Variants in COLGALT2 observed in about 807,000 individuals in gnomAD.
COLGALT2 encodes collagen beta(1-O)galactosyltransferase 2, also known as procollagen galactosyltransferase 2.
COLGALT2 carries 49 observed loss-of-function variants against 73.4 expected under a neutral mutation model. The observed-to-expected ratio is 0.67, with a 90% confidence interval of 0.53 to 0.85. The LOEUF (loss-of-function observed/expected upper bound fraction) is 0.85. COLGALT2 is among the 40% of genes least tolerant of loss of function. The pLI, the probability that COLGALT2 is intolerant of heterozygous loss-of-function variation, is 0.00. For synonymous variants in COLGALT2, 295 were observed against 307.6 expected (o/e 0.96, Z 0.43); for missense variants, 722 against 790.2 (o/e 0.91, Z 1.03).
downstream of COLGALT2, among the ~76,000 whole-genome samples, chr1:183,931,509 C>T (rs940931045): frequency 6.6e-6 from 1 of 152,026 alleles, no homozygotes; most frequent in African/African-American, 2.4e-5. Context: ...GGGTGTTCCC[C>T]GGGGGTGCCT....
rs1209716211 is a variant in COLGALT2 at position 183,937,214 on chromosome 1, G to A, written c.*1547C>T. Reference sequence around the variant, plus strand: ...GAAGCTCAGGGTTTGGGGTGTGCACGGCCCCCCATATGGCTGCATGGTGCA... The same window carrying A: ...GAAGCTCAGGGTTTGGGGTGTGCACAGCCCCCCATATGGCTGCATGGTGCA... On this transcript the variant is annotated 3_prime_UTR_variant, in exon 12 of 12. Transcript: ENST00000361927. 3.3e-6 allele frequency: 4 copies of A among 1,214,228 alleles called. No homozygotes were observed. Among genetic ancestry groups the A allele is most frequent in the Admixed American group, 4.3e-5 (1 of 23,150 alleles). 75.2% of individuals were successfully genotyped at this position (1,214,228 alleles called of 1,614,324 possible).
intron 1 of COLGALT2, among the ~76,000 whole-genome samples, chr1:183,993,823 G>A (rs1399451647): frequency 6.6e-6 from 1 of 152,028 alleles, no homozygotes; most frequent in Non-Finnish European, 1.5e-5. Flanking sequence ...CCCACATCCT[G>A]ATGTTTAGAG....
chr1:183,979,130 C>G (rs1053721056), intron 1 of COLGALT2, among the ~76,000 whole-genome samples: 3 of 152,140 alleles, frequency 2.0e-5, no homozygotes, highest in African/African-American at 7.2e-5. Flanking sequence ...TTTTCCAAAG[C>G]CTTTAAATAA....
intron 1 of COLGALT2, among the ~76,000 whole-genome samples, chr1:184,027,179 A>C (rs1043814708): frequency 1.3e-5 from 2 of 152,150 alleles, no homozygotes; most frequent in South Asian, 2.1e-4. Context: ...TACTTCTCTT[A>C]ATAAGAAAAC....
chr1:184,021,961 G>C (rs1649194470), intron 1 of COLGALT2, among the ~76,000 whole-genome samples: 1 of 152,162 alleles, frequency 6.6e-6, no homozygotes, highest in Non-Finnish European at 1.5e-5. Flanking sequence ...GATCTCACTT[G>C]TTAACAGTTG....
downstream of COLGALT2, among the ~76,000 whole-genome samples, chr1:183,931,611 A>T (rs978422649): frequency 6.6e-6 from 1 of 152,074 alleles, no homozygotes; most frequent in African/African-American, 2.4e-5. Context: ...CGTTCAGGAG[A>T]GCCAGTTTTA....
At chr1:183,939,520 T>G (rs1391338370) in intron 11 of COLGALT2, among the ~76,000 whole-genome samples, 1 of 152,222 alleles carries the variant, frequency 6.6e-6, no homozygotes, top group Non-Finnish European at 1.5e-5. Flanking sequence ...GACGGATGAC[T>G]TGGCCTCCCT....
chr1:183,963,863 G>A (rs772149710), intron 6 of COLGALT2, 38 bp downstream of exon 6: 2 of 1,519,100 alleles, frequency 1.3e-6, no homozygotes, highest in East Asian at 2.4e-5. Context: ...CTGTGGCAAT[G>A]GAACGAGAGC....
chr1:184,001,526 T>C (rs1268122124), intron 1 of COLGALT2, among the ~76,000 whole-genome samples: 1 of 152,190 alleles, frequency 6.6e-6, no homozygotes, highest in Non-Finnish European at 1.5e-5. Context: ...ATAGTTTCCA[T>C]CTTTTTGACT....
At chr1:184,019,142 A>G (rs1234331978) in intron 1 of COLGALT2, among the ~76,000 whole-genome samples, 2 of 152,114 alleles carry the variant, frequency 1.3e-5, no homozygotes, top group Non-Finnish European at 2.9e-5. Context: ...GTTGTACTCT[A>G]TGGGAGGCAC....
intron 1 of COLGALT2, among the ~76,000 whole-genome samples, chr1:183,987,688 C>A (rs1362482624): frequency 6.6e-6 from 1 of 152,190 alleles, no homozygotes; most frequent in East Asian, 1.9e-4. Context: ...GGGAACTTCT[C>A]CCCATCCAAC....
chr1:183,934,146 T>C (rs925902894), downstream of COLGALT2, among the ~76,000 whole-genome samples: 1 of 152,228 alleles, frequency 6.6e-6, no homozygotes, highest in Admixed American at 6.5e-5. Context: ...TGGAACCCCA[T>C]TCAGTGTCTG....
At chr1:184,033,986 T>C (rs541677834) in intron 1 of COLGALT2, among the ~76,000 whole-genome samples, 14 of 152,256 alleles carry the variant, frequency 9.2e-5, no homozygotes, top group Non-Finnish European at 1.5e-4. Flanking sequence ...GAATGGATAC[T>C]AATCAGTTTG....
chr1:183,987,866 A>G (rs1346381220), intron 1 of COLGALT2, among the ~76,000 whole-genome samples: 2 of 152,250 alleles, frequency 1.3e-5, no homozygotes, highest in Admixed American at 6.5e-5. Flanking sequence ...AATTGTTTCA[A>G]GAGAAGCTGG....
In COLGALT2 at chr1:183,935,884, T is replaced by C. The variant is rs775426256; in HGVS notation, c.*2877A>G. The C allele has an allele frequency of 6.1e-6, 6 of 985,356 alleles. No individual in the cohort carries two copies. Among genetic ancestry groups the C allele is most frequent in the Non-Finnish European group, 7.2e-6 (6 of 829,938 alleles). The allele number at this position is 985,356 out of a possible 1,614,324, so 61.0% of individuals were successfully genotyped here. Reference sequence around the variant, plus strand: ...TTCACAAAGAGCTCCAGAAGGCAAATAGTTTATCACTTCCCCACTCTGAAA... The same window carrying C: ...TTCACAAAGAGCTCCAGAAGGCAAACAGTTTATCACTTCCCCACTCTGAAA... On this transcript the variant is annotated 3_prime_UTR_variant, in exon 12 of 12. Transcript: ENST00000361927.
Position 184,037,600 on chromosome 1 carries a change from C to G in COLGALT2, c.-243G>C, listed in dbSNP as rs932322228. The G allele has an allele frequency of 1.2e-4, 125 of 1,081,246 alleles. No homozygotes were observed. The highest frequency in any genetic ancestry group is 1.3e-4 in the Non-Finnish European group (120 of 893,324). The allele number at this position is 1,081,246 out of a possible 1,614,324, so 67.0% of individuals were successfully genotyped here. ...GCGTACCTGCAGCCGCTGGCGCTCC[C>G]CTGCGCCTCGGGCTCGCAGACAGTA... On this transcript the variant is annotated 5_prime_UTR_variant, in exon 1 of 12. Coordinates refer to ENST00000361927, the MANE Select transcript of COLGALT2 (RefSeq NM_015101.4).
intron 1 of COLGALT2, among the ~76,000 whole-genome samples, chr1:184,029,279 A>C (rs922046776): frequency 4.6e-5 from 7 of 152,190 alleles, no homozygotes; most frequent in African/African-American, 1.4e-4. Flanking sequence ...CTACCAGAGG[A>C]GTAGAGAGCT....
At chr1:183,968,736 A>G (rs1251165266) in intron 5 of COLGALT2, among the ~76,000 whole-genome samples, 2 of 152,182 alleles carry the variant, frequency 1.3e-5, no homozygotes, top group African/African-American at 2.4e-5. Context: ...AAACGCATCC[A>G]TGGTGGTGAG....
chr1:183,994,104 T>C (rs1671706660), intron 1 of COLGALT2, among the ~76,000 whole-genome samples: 1 of 139,910 alleles, frequency 7.1e-6, no homozygotes, highest in Admixed American at 7.4e-5. Context: ...AGTGGTGTGA[T>C]CTCGGCTCAC....
Sources: gnomAD v4.1 joint callset for allele counts (sites outside exome capture counted in the v4.1 genomes callset) on GRCh38, gnomAD v4.1.1 for gene constraint, MANE v1.5 for transcripts, NCBI Gene and HGNC (gene_info 2026-07-23, HGNC 2026-07-21) for gene names.